Variants in ITGAX observed in about 807,000 individuals in gnomAD.
ITGAX encodes integrin alpha-X.
ITGAX carries 99 observed loss-of-function variants against 140.2 expected under a neutral mutation model. The observed-to-expected ratio is 0.71, with a 90% CI of 0.60 to 0.83. The LOEUF (loss-of-function observed/expected upper bound fraction) is 0.83, where lower values mean the gene tolerates loss of function less well. ITGAX is among the 40% of genes least tolerant of loss of function. The probability of loss-of-function intolerance (pLI) is 0.00; values close to 1 mark genes in which losing one functional copy is unlikely to be tolerated. For synonymous variants in ITGAX, 631 were observed against 600.4 expected, an observed-to-expected ratio of 1.05 and a Z score of -0.75; for missense variants, 1,444 against 1,482.0, an observed-to-expected ratio of 0.97 and a Z score of 0.42.
Position 31,362,972 on chromosome 16 carries a change from A to G in ITGAX, c.1397A>G (p.Asp466Gly). ...TTCGGGGCCTCCCTCTGCTCCGTGGACGTAGACAGCGACGGCAGCACCGAC... is the reference window on the plus strand; with the variant it reads ...TTCGGGGCCTCCCTCTGCTCCGTGGGCGTAGACAGCGACGGCAGCACCGAC... ...SYFGASLCSVDVDSDGSTDLV... is the reference protein window; with the variant it reads ...SYFGASLCSVGVDSDGSTDLV... The change falls in exon 13 of 30, where the codon GAC (aspartate) becomes GGC (glycine). Residue 466 changes from aspartate (D) to glycine (G), a missense_variant. Transcript: ENST00000268296. 1 of 1,611,834 alleles carries G rather than the reference A, an allele frequency of 6.2e-7. No individual in the cohort carries two copies. The highest frequency in any genetic ancestry group is 8.5e-7 in the Non-Finnish European group (1 of 1,179,818).
At chr16:31,372,781 G>GCCAAGACACCT in intron 19 of ITGAX, 111 bp downstream of exon 19, 1 of 1,108,090 alleles carries the variant, frequency 9.0e-7, no homozygotes, top group Non-Finnish European at 1.3e-6. Context: ...TCAAAACCCA[G>GCCAAGACACCT]GTGTCTTGGC....
intron 14 of ITGAX, among the ~76,000 whole-genome samples, chr16:31,368,052 A>G (rs2080909292): frequency 6.6e-6 from 1 of 152,116 alleles, no homozygotes; most frequent in South Asian, 2.1e-4. Context: ...GTGTGGAAAT[A>G]GAGAACCAGA....
chr16:31,366,889 G>A (rs1445649552), intron 14 of ITGAX, among the ~76,000 whole-genome samples: 1 of 152,170 alleles, frequency 6.6e-6, no homozygotes, highest in Non-Finnish European at 1.5e-5. Context: ...AAGCCAAGAT[G>A]GGCTGAAGGC....
chr16:31,363,898 C>T (rs551210145), intron 14 of ITGAX, among the ~76,000 whole-genome samples: 8 of 152,174 alleles, frequency 5.3e-5, no homozygotes, highest in Non-Finnish European at 8.8e-5. Context: ...ACCTCTAACC[C>T]GGTGTGCAGT....
chr16:31,373,515 G>T (rs374036460), intron 20 of ITGAX, 125 bp downstream of exon 20: 11 of 980,682 alleles, frequency 1.1e-5, no homozygotes, highest in Non-Finnish European at 1.6e-5. Flanking sequence ...GCTCGTGTGG[G>T]TGTTCAACTT....
At position 31,363,269 on chromosome 16, in the gene ITGAX, G is replaced by C. The variant is rs1207719701; in HGVS notation, c.1605G>C (p.Lys535Asn). Residue 535 changes from lysine (K) to asparagine (N), a missense_variant, in exon 14 of 30, where the codon AAG becomes AAC. Lys to Asn is a moderately conservative substitution (Grantham distance 94). Transcript: ENST00000268296. ...TGCTGGGGGATGTGAATGGGGACAA[G>C]CTGACAGACGTGGTCATCGGGGCCC... ...LTVLGDVNGD[K>N]LTDVVIGAPG... The C allele has an allele frequency of 1.2e-6, 2 of 1,613,704 alleles. No homozygotes were observed. Among genetic ancestry groups the C allele is most frequent in the African/African-American group, 2.7e-5 (2 of 74,836 alleles).
rs760900105 is a variant in ITGAX, at chr16:31,359,994, C to T, written c.636C>T (p.Pro212=). Residue 212 remains proline, a synonymous_variant, in exon 7 of 30, where the codon CCC becomes CCT. Coordinates refer to ENST00000268296, the MANE Select transcript of ITGAX (RefSeq NM_000887.5). ...AGGAATTCAGGCGCAGCTCAAACCCCCTCAGCCTGTTGGCTTCTGTTCACC... is the reference window on the plus strand; with the variant it reads ...AGGAATTCAGGCGCAGCTCAAACCCTCTCAGCCTGTTGGCTTCTGTTCACC... ...TFEEFRRSSN[P]LSLLASVHQL... 5.6e-6 allele frequency: 9 copies of T among 1,613,980 alleles called. No homozygotes were observed. Among genetic ancestry groups the T allele is most frequent in the Non-Finnish European group, 7.6e-6 (9 of 1,180,048 alleles).
intron 14 of ITGAX, among the ~76,000 whole-genome samples, chr16:31,367,967 C>G (rs890263265): frequency 6.6e-6 from 1 of 151,998 alleles, no homozygotes; most frequent in South Asian, 2.1e-4. Context: ...AACACGAGTT[C>G]GGGAGAAGCT....
rs200557273 is a variant in ITGAX at position 31,371,622 on chromosome 16, G to C, written c.2006-8G>C. On this transcript the variant is annotated splice_polypyrimidine_tract_variant and splice_region_variant and intron_variant, in intron 16 of 29. Coordinates refer to ENST00000268296, the MANE Select transcript of ITGAX (RefSeq NM_000887.5). Reference sequence around the variant, plus strand: ...CTGTCTCAACGCCGTCCCTGCGACCGCCTACAGGTGACCTCCAAAGCTCTG... The same window carrying C: ...CTGTCTCAACGCCGTCCCTGCGACCCCCTACAGGTGACCTCCAAAGCTCTG... 281 of 1,613,920 alleles carry C rather than the reference G, an allele frequency of 1.7e-4. 1 individual carries two copies. The highest frequency in any genetic ancestry group is 2.1e-4 in the Non-Finnish European group (244 of 1,179,962).
intron 20 of ITGAX, among the ~76,000 whole-genome samples, chr16:31,375,843 C>T (rs1191650659): frequency 1.3e-5 from 2 of 152,202 alleles, no homozygotes; most frequent in East Asian, 3.8e-4. Flanking sequence ...TGCTCCTAGA[C>T]ATATCAACCA....
chr16:31,377,936 G>A (rs1199963809), intron 23 of ITGAX, among the ~76,000 whole-genome samples: 1 of 152,204 alleles, frequency 6.6e-6, no homozygotes, highest in East Asian at 1.9e-4. Flanking sequence ...ATTGGCAGAG[G>A]AGGAATGAGG....
Position 31,380,397 on chromosome 16 carries a change from C to T in ITGAX, c.3174+18C>T, listed in dbSNP as rs1201666509. 2.5e-6 allele frequency: 4 copies of T among 1,612,954 alleles called. No homozygotes were observed. In the South Asian group the frequency reaches 4.4e-5, roughly 18 times the overall value. On this transcript the variant is annotated intron_variant, in intron 27 of 29. Transcript: ENST00000268296. ...TCCGCCAGGTGTGTGGGTGCAACGA[C>T]AGAGCCCCTGCCCCAGACTCAGGCG...
At chr16:31,375,173 G>A (rs371871430) in intron 20 of ITGAX, among the ~76,000 whole-genome samples, 9 of 152,188 alleles carry the variant, frequency 5.9e-5, no homozygotes, top group African/African-American at 2.2e-4. Context: ...CCACTGCCAC[G>A]CCCAGCTAAG....
Position 31,373,421 on chromosome 16 carries a change from G to A in ITGAX, c.2508+31G>A. 1.3e-6 allele frequency: 2 copies of A among 1,596,368 alleles called. 1 individual carries two copies. Among genetic ancestry groups the A allele is most frequent in the South Asian group, 2.2e-5 (2 of 89,674 alleles). ...CCCTCTGGGGAAGGAGGAGGAGGCAGGGCTGGGCGTTAGCGTAGATTCCCG... is the reference window on the plus strand; with the variant it reads ...CCCTCTGGGGAAGGAGGAGGAGGCAAGGCTGGGCGTTAGCGTAGATTCCCG... On this transcript the variant is annotated intron_variant, in intron 20 of 29. Coordinates refer to ENST00000268296, the MANE Select transcript of ITGAX (RefSeq NM_000887.5).
chr16:31,371,821 G>A, intron 17 of ITGAX, 37 bp downstream of exon 17: 1 of 1,605,360 alleles, frequency 6.2e-7, no homozygotes, highest in South Asian at 1.1e-5. Context: ...CGGCCGCGCT[G>A]GGGCTGGCAG....
chr16:31,382,812 G>A lies in ITGAX; in HGVS notation c.*905G>A, dbSNP rs2081081906. 2 of 396,460 alleles carry A rather than the reference G, an allele frequency of 5.0e-6. No homozygotes were observed. Among genetic ancestry groups the A allele is most frequent in the Admixed American group, 8.5e-5 (2 of 23,424 alleles). The allele number at this position is 396,460 out of a possible 1,614,324, so 24.6% of individuals were successfully genotyped here. On this transcript the variant is annotated 3_prime_UTR_variant, in exon 30 of 30. Coordinates refer to ENST00000268296, the MANE Select transcript of ITGAX (RefSeq NM_000887.5). ...AGCTCACCCAGCCCCAGGGGCAGAA[G>A]AGACCCAACCACTTCTATTTTTTGA...
rs77794658 is a variant in ITGAX at position 31,375,130 on chromosome 16, C to G, written c.2509-1669C>G. 3.1e-4 allele frequency among the ~76,000 whole-genome samples: 47 copies of G among 152,332 alleles called. No individual in the cohort carries two copies. In the East Asian group the frequency reaches 8.1e-3, roughly 26 times the overall value. On this transcript the variant is annotated intron_variant, in intron 20 of 29. Coordinates refer to ENST00000268296, the MANE Select transcript of ITGAX (RefSeq NM_000887.5). ...TCCCGAATTCAAGCAATTCTTGTGC[C>G]TCAGCCTCCTGAGTAGCTGGGATTA... is the stretch of plus-strand genomic sequence containing the variant.
chr16:31,376,906 C>T lies in ITGAX; in HGVS notation c.2616C>T (p.Gly872=), dbSNP rs140697269. The T allele has an allele frequency of 3.4e-5, 55 of 1,614,210 alleles. No homozygotes were observed. In the South Asian group the frequency reaches 5.3e-4, roughly 15 times the overall value. ...SCRINHLIFR[G]GAQITFLATF... Reference sequence around the variant, plus strand: ...GAATCAACCACCTCATCTTCCGTGGCGGCGCCCAGGTCAGCCTGGCTTCTG... The same window carrying T: ...GAATCAACCACCTCATCTTCCGTGGTGGCGCCCAGGTCAGCCTGGCTTCTG... Residue 872 remains glycine, a synonymous_variant, in exon 21 of 30, where the codon GGC becomes GGT. Coordinates refer to ENST00000268296, the MANE Select transcript of ITGAX (RefSeq NM_000887.5).
At chr16:31,362,579 G>C in intron 11 of ITGAX, 32 bp from the exon 12 acceptor site, 1 of 1,597,346 alleles carries the variant, frequency 6.3e-7, no homozygotes, top group Non-Finnish European at 8.5e-7. Context: ...AGGGGGAATG[G>C]GGGCCTTTGT....
Sources: gnomAD v4.1 joint callset for allele counts (sites outside exome capture counted in the v4.1 genomes callset) on GRCh38, gnomAD v4.1.1 for gene constraint, MANE v1.5 for transcripts, NCBI Gene and HGNC (gene_info 2026-07-23, HGNC 2026-07-21) for gene names.